NCOA6: variants seen among roughly 807,000 people sequenced by gnomAD.
NCOA6 encodes nuclear receptor coactivator 6.
NCOA6 carries 49 observed loss-of-function variants against 171.4 expected under a neutral mutation model. The observed-to-expected ratio is 0.29, with a 90% CI of 0.23 to 0.36. The LOEUF is 0.36. Among genes scored for constraint, NCOA6 ranks in the 10% least tolerant of loss-of-function variants. The pLI is 1.00. For missense variants in NCOA6, 2,248 were observed against 2,554.5 expected (o/e 0.88, Z 2.59); for synonymous variants, 910 against 927.5 (o/e 0.98, Z 0.34).
At chr20:34,755,375 T>C (rs1014721803) in intron 7 of NCOA6, among the ~76,000 whole-genome samples, 4 of 152,208 alleles carry the variant, frequency 2.6e-5, no homozygotes, top group Non-Finnish European at 5.9e-5. Context: ...TGCAGAAAAT[T>C]TCCCCCCATT....
chr20:34,765,229 G>A (rs1226888224), intron 5 of NCOA6, among the ~76,000 whole-genome samples: 1 of 151,776 alleles, frequency 6.6e-6, no homozygotes, highest in African/African-American at 2.4e-5. Context: ...GAGACAGGTG[G>A]ATCACAAGGT....
intron 5 of NCOA6, among the ~76,000 whole-genome samples, chr20:34,764,808 G>A (rs2076927126): frequency 6.6e-6 from 1 of 152,034 alleles, no homozygotes; most frequent in Admixed American, 6.6e-5. Flanking sequence ...ATGGTAGTTA[G>A]ACAGTTAAGA....
At chr20:34,725,199 G>T (rs1989819580) in intron 14 of NCOA6, among the ~76,000 whole-genome samples, 1 of 152,182 alleles carries the variant, frequency 6.6e-6, no homozygotes, top group Admixed American at 6.5e-5. Context: ...GTACATCTCT[G>T]TATTTGGCAC....
At chr20:34,729,402 A>G (rs1990345529) in intron 13 of NCOA6, among the ~76,000 whole-genome samples, 1 of 152,158 alleles carries the variant, frequency 6.6e-6, no homozygotes, top group African/African-American at 2.4e-5. Flanking sequence ...TAATTCTCTG[A>G]TCTGAATTTC....
intron 9 of NCOA6, among the ~76,000 whole-genome samples, chr20:34,747,998 T>TA (rs1168338429): frequency 2.0e-5 from 3 of 152,108 alleles, no homozygotes; most frequent in African/African-American, 7.2e-5. Flanking sequence ...GAAGTAGTGG[T>TA]AGAGCTGGAA....
Position 34,776,311 on chromosome 20 carries a change from G to C in NCOA6, c.373C>G (p.Leu125Val). 1 of 1,613,942 alleles carries C rather than the reference G, an allele frequency of 6.2e-7. No individual in the cohort carries two copies. Among genetic ancestry groups the C allele is most frequent in the Non-Finnish European group, 8.5e-7 (1 of 1,180,028 alleles). The change falls in exon 4 of 15, where the codon CTC becomes GTC. Residue 125 changes from leucine (L) to valine (V), a missense_variant. Leu to Val is a conservative substitution (Grantham distance 32, BLOSUM62 1). Transcript: ENST00000359003. ...AAAAGACCTTCAATCTGAACGGAGA[G>C]AATCCCTAAATCCCGAAGCTGCTGG... The part of the protein sequence containing the change: ...NNQQLRDLGI[L>V]SVQIEGEGAI...
At chr20:34,717,247 T>G (rs1988717754) in intron 14 of NCOA6, among the ~76,000 whole-genome samples, 1 of 152,066 alleles carries the variant, frequency 6.6e-6, no homozygotes, top group African/African-American at 2.4e-5. Flanking sequence ...GGTCAAGAGT[T>G]CAAGAGCAGC....
chr20:34,776,048 G>A (rs1221267853), intron 4 of NCOA6, among the ~76,000 whole-genome samples: 5 of 152,330 alleles, frequency 3.3e-5, no homozygotes, highest in Admixed American at 6.5e-5. Flanking sequence ...AAAGACTGAT[G>A]GTCAAAATTA....
chr20:34,729,077 A>G (rs1990309229), intron 13 of NCOA6, among the ~76,000 whole-genome samples: 1 of 152,114 alleles, frequency 6.6e-6, no homozygotes, highest in Non-Finnish European at 1.5e-5. Context: ...CAGCCTCCTG[A>G]GTAGCTGGGA....
chr20:34,768,640 TGTTTATAGACAGCTA>T (rs966630443), intron 4 of NCOA6, 54 bp from the exon 5 acceptor site: 3 of 1,600,544 alleles, frequency 1.9e-6, no homozygotes, highest in Non-Finnish European at 2.6e-6. Context: ...ATGCAAATTT[TGTTTATAGACAGCTA>T]TATAAGTGCT....
At chr20:34,715,482 T>C in intron 14 of NCOA6, 117 bp from the exon 15 acceptor site, 1 of 734,560 alleles carries the variant, frequency 1.4e-6, no homozygotes, top group East Asian at 2.6e-5. Flanking sequence ...TCAGAATCTG[T>C]CTAAGGGGTG....
At chr20:34,800,778 T>A (rs112703185) in intron 1 of NCOA6, among the ~76,000 whole-genome samples, 10 of 152,106 alleles carry the variant, frequency 6.6e-5, no homozygotes, top group Admixed American at 2.6e-4. Flanking sequence ...GATTTTAACA[T>A]CCCATTTTCA....
At chr20:34,731,635 G>T (rs922231936) in intron 13 of NCOA6, among the ~76,000 whole-genome samples, 1 of 152,216 alleles carries the variant, frequency 6.6e-6, no homozygotes, top group Non-Finnish European at 1.5e-5. Context: ...TCACAGGGAT[G>T]ATATGAAGAT....
chr20:34,803,412 A>G (rs1400397067), intron 1 of NCOA6, among the ~76,000 whole-genome samples: 1 of 151,640 alleles, frequency 6.6e-6, no homozygotes, highest in Non-Finnish European at 1.5e-5. Context: ...GGTTGCAGTG[A>G]GCCAATACGG....
intron 1 of NCOA6, among the ~76,000 whole-genome samples, chr20:34,824,773 T>C (rs2079101930): frequency 6.6e-6 from 1 of 152,140 alleles, no homozygotes; most frequent in African/African-American, 2.4e-5. Context: ...GCTTGGGACA[T>C]AAGTCTTCAG....
At chr20:34,802,362 G>A (rs1199735103) in intron 1 of NCOA6, among the ~76,000 whole-genome samples, 1 of 152,216 alleles carries the variant, frequency 6.6e-6, no homozygotes, top group African/African-American at 2.4e-5. Context: ...AGCACTTTGG[G>A]AGGCCGAGGC....
At chr20:34,745,947 G>C (rs1257236686) in intron 10 of NCOA6, among the ~76,000 whole-genome samples, 2 of 151,964 alleles carry the variant, frequency 1.3e-5, no homozygotes, top group African/African-American at 2.4e-5. Context: ...CAACAAAGGG[G>C]GCTTCCAATA....
chr20:34,738,664 C>A (rs1240398854), intron 11 of NCOA6, among the ~76,000 whole-genome samples: 2 of 152,226 alleles, frequency 1.3e-5, no homozygotes, highest in Admixed American at 6.5e-5. Flanking sequence ...ATTAACCTTT[C>A]CAGAGCTCTG....
chr20:34,800,867 A>G (rs775283559), intron 1 of NCOA6, among the ~76,000 whole-genome samples: 19 of 152,230 alleles, frequency 1.2e-4, no homozygotes, highest in Non-Finnish European at 2.2e-4. Context: ...CATGAACTTA[A>G]TAAGATATTT....
Sources: allele counts gnomAD v4.1 joint callset (sites outside exome capture counted in the v4.1 genomes callset), GRCh38; gene constraint gnomAD v4.1.1; transcripts MANE v1.5; gene names NCBI Gene and HGNC (gene_info 2026-07-23, HGNC 2026-07-21).